SLCO5A1: variants seen among roughly 807,000 people sequenced by gnomAD.
SLCO5A1 encodes organic anion transporter polypeptide-related protein 4.
In SLCO5A1, 39 loss-of-function variants were observed where a neutral mutation model predicts 65.1. The ratio of observed to expected loss-of-function variants is 0.60; its 90% confidence interval spans 0.46 to 0.78. The LOEUF (loss-of-function observed/expected upper bound fraction) is 0.78, where lower values mean the gene tolerates loss of function less well. Among genes scored for constraint, SLCO5A1 ranks in the 30% least tolerant of loss-of-function variants. SLCO5A1 has a pLI of 0.00. For missense variants in SLCO5A1, 1,029 were observed against 1,069.4 expected (o/e 0.96, Z 0.53); for synonymous variants, 438 against 415.7 (o/e 1.05, Z -0.65).
Position 69,670,848 on chromosome 8 carries a change from T to A in SLCO5A1, c.*2021A>T, listed in dbSNP as rs888311372. 2.0e-5 allele frequency: 3 copies of A among 152,188 alleles called. No individual in the cohort carries two copies. The highest frequency in any genetic ancestry group is 6.5e-5 in the Admixed American group (1 of 15,280). The allele number at this position is 152,188 out of a possible 1,614,324, so 9.4% of individuals were successfully genotyped here. A position where few individuals can be genotyped will look rare whatever the true frequency, so the allele number is the denominator to read the frequency against. ...ACACCACACCTCTCCAATCTACATA[T>A]CTTTAACTCCCACACCAAAGGAAAA... is the stretch of plus-strand genomic sequence containing the variant. On this transcript the variant is annotated 3_prime_UTR_variant, in exon 10 of 10. Transcript: ENST00000260126.
intron 5 of SLCO5A1, among the ~76,000 whole-genome samples, chr8:69,729,995 A>G (rs1459384697): frequency 2.6e-5 from 4 of 152,378 alleles, no homozygotes; most frequent in East Asian, 1.9e-4. Flanking sequence ...ACAGTTTCAT[A>G]AAAGAAAAAG....
At chr8:69,790,191 CAA>C (rs374635955) in intron 2 of SLCO5A1, among the ~76,000 whole-genome samples, 38 of 53,710 alleles carry the variant, frequency 7.1e-4, no homozygotes, top group African/African-American at 2.2e-4. Flanking sequence ...GACTCCTTCT[CAA>C]AAAAAAAAAA....
intron 2 of SLCO5A1, among the ~76,000 whole-genome samples, chr8:69,809,336 G>T (rs1820129594): frequency 6.6e-6 from 1 of 152,120 alleles, no homozygotes. Flanking sequence ...TAGTAACTCA[G>T]ATAGAGTGAC....
intron 9 of SLCO5A1, among the ~76,000 whole-genome samples, chr8:69,673,891 A>G (rs1208294346): frequency 6.6e-6 from 1 of 152,234 alleles, no homozygotes. Context: ...AAGAAATTAT[A>G]TATATGAAGG....
chr8:69,676,562 T>A (rs1414580860), intron 9 of SLCO5A1, 47 bp downstream of exon 9: 1 of 1,544,982 alleles, frequency 6.5e-7, no homozygotes, highest in Non-Finnish European at 8.9e-7. Context: ...AAATTTGCCA[T>A]CTGCAAAGAG....
intron 5 of SLCO5A1, among the ~76,000 whole-genome samples, chr8:69,723,923 C>A (rs1815951338): frequency 6.6e-6 from 1 of 152,058 alleles, no homozygotes; most frequent in African/African-American, 2.4e-5. Context: ...CAGGTGTGCA[C>A]CACATATCCA....
intron 4 of SLCO5A1, among the ~76,000 whole-genome samples, chr8:69,739,131 G>A (rs969358432): frequency 2.0e-5 from 3 of 152,112 alleles, no homozygotes; most frequent in Non-Finnish European, 2.9e-5. Flanking sequence ...TGTAAAGCAA[G>A]CTGCAAAAAT....
intron 2 of SLCO5A1, among the ~76,000 whole-genome samples, chr8:69,810,221 AG>A (rs1820157216): frequency 6.6e-6 from 1 of 152,200 alleles, no homozygotes; most frequent in Admixed American, 6.5e-5. Context: ...ATCCTGCAAA[AG>A]TCGCAGCTAA....
At chr8:69,696,369 G>T (rs1030624471) in intron 6 of SLCO5A1, among the ~76,000 whole-genome samples, 1 of 152,204 alleles carries the variant, frequency 6.6e-6, no homozygotes, top group South Asian at 2.1e-4. Flanking sequence ...CAGCCTGCCC[G>T]ATCGAATCTC....
chr8:69,771,557 T>G (rs569688894), intron 2 of SLCO5A1, among the ~76,000 whole-genome samples: 10 of 152,336 alleles, frequency 6.6e-5, no homozygotes, highest in Non-Finnish European at 1.5e-4. Context: ...TTAGTCTTCT[T>G]ACATGATCTT....
At chr8:69,726,767 C>T (rs1366584062) in intron 5 of SLCO5A1, among the ~76,000 whole-genome samples, 3 of 152,234 alleles carry the variant, frequency 2.0e-5, no homozygotes, top group South Asian at 2.1e-4. Flanking sequence ...TCCCAAAGTG[C>T]TGGGATTACA....
At chr8:69,754,214 A>G (rs375281514) in intron 4 of SLCO5A1, among the ~76,000 whole-genome samples, 5 of 152,256 alleles carry the variant, frequency 3.3e-5, no homozygotes, top group Admixed American at 1.3e-4. Context: ...ATGTTATTAG[A>G]GCATAAGAAG....
At chr8:69,824,693 G>C (rs1011990236) in intron 2 of SLCO5A1, among the ~76,000 whole-genome samples, 2 of 152,110 alleles carry the variant, frequency 1.3e-5, no homozygotes, top group Non-Finnish European at 2.9e-5. Context: ...AATTCTACCA[G>C]AGGTACAAGG....
intron 2 of SLCO5A1, among the ~76,000 whole-genome samples, chr8:69,812,055 A>G (rs375803031): frequency 6.6e-6 from 1 of 152,236 alleles, no homozygotes; most frequent in Non-Finnish European, 1.5e-5. Context: ...CGAGTCCATC[A>G]ATTTACAAAT....
intron 4 of SLCO5A1, among the ~76,000 whole-genome samples, chr8:69,754,004 CAAA>C (rs71556780): frequency 1.6e-3 from 120 of 73,466 alleles, no homozygotes; most frequent in African/African-American, 5.0e-3. Flanking sequence ...TGACCTATCT[CAAA>C]AAAAAAAAAA....
intron 2 of SLCO5A1, among the ~76,000 whole-genome samples, chr8:69,778,737 A>C (rs1818681356): frequency 6.6e-6 from 1 of 152,210 alleles, no homozygotes; most frequent in South Asian, 2.1e-4. Flanking sequence ...TTTTACCTTG[A>C]AGAAGGCCTT....
chr8:69,723,618 G>T (rs1370353220), intron 5 of SLCO5A1, among the ~76,000 whole-genome samples: 2 of 152,078 alleles, frequency 1.3e-5, no homozygotes, highest in Non-Finnish European at 2.9e-5. Flanking sequence ...AAAAAAATTT[G>T]AGGTGAGAGG....
At chr8:69,701,816 C>A (rs762990808) in intron 6 of SLCO5A1, among the ~76,000 whole-genome samples, 1 of 152,190 alleles carries the variant, frequency 6.6e-6, no homozygotes, top group African/African-American at 2.4e-5. Flanking sequence ...CATAGTCATT[C>A]ATATTTGGCT....
rs888945059 is a variant in SLCO5A1 at position 69,779,190 on chromosome 8, G to T, written c.908-17315C>A. ...TTTATTAAGCATTTACTGTGTTCCA[G>T]GTATCAGCAAAATGTTTGCATACAT... On this transcript the variant is annotated intron_variant, in intron 2 of 9. Coordinates refer to ENST00000260126, the MANE Select transcript of SLCO5A1 (RefSeq NM_030958.3). 1.1e-4 allele frequency among the ~76,000 whole-genome samples: 17 copies of T among 152,128 alleles called. No homozygotes were observed. The South Asian group carries it at 3.3e-3, about 30-fold the overall frequency.
Sources: allele counts gnomAD v4.1 joint callset (sites outside exome capture counted in the v4.1 genomes callset), GRCh38; gene constraint gnomAD v4.1.1; transcripts MANE v1.5; gene names NCBI Gene and HGNC (gene_info 2026-07-23, HGNC 2026-07-21).